CNTN4: variants seen among roughly 807,000 people sequenced by gnomAD.
CNTN4 encodes contactin 4.
A neutral mutation model predicts 122.5 loss-of-function variants in CNTN4; 77 were observed. That is an observed-to-expected ratio of 0.63 (90% CI 0.52 to 0.76). The LOEUF (loss-of-function observed/expected upper bound fraction) is 0.76, where lower values mean the gene tolerates loss of function less well. Among genes scored for constraint, CNTN4 ranks in the 30% least tolerant of loss-of-function variants. CNTN4 has a pLI of 0.00. For synonymous variants in CNTN4, 512 were observed against 447.0 expected, an observed-to-expected ratio of 1.15 and a Z score of -1.83; for missense variants, 1,256 against 1,259.1, an observed-to-expected ratio of 1.00 and a Z score of 0.04.
At position 2,817,154 on chromosome 3, in the gene CNTN4, A is replaced by G. The variant is rs1009334811; in HGVS notation, c.359-2332A>G. The stretch of plus-strand genomic sequence containing the variant: ...CAGCTTGCTCTAGTGTGCGTTTGCT[A>G]TTAGAAACCTTTCCTTAGTTGCAAT... On this transcript the variant is annotated intron_variant, in intron 6 of 24. Coordinates refer to ENST00000418658, the MANE Select transcript of CNTN4 (RefSeq NM_175607.3). Among the ~76,000 whole-genome samples the G allele has an allele frequency of 1.3e-4, 20 of 152,336 alleles. 2 individuals carry two copies. Among genetic ancestry groups the G allele is most frequent in the Admixed American group, 4.6e-4 (7 of 15,302 alleles).
intron 3 of CNTN4, among the ~76,000 whole-genome samples, chr3:2,506,052 C>G (rs1374155751): frequency 1.3e-5 from 2 of 151,616 alleles, no homozygotes; most frequent in Non-Finnish European, 2.9e-5. Context: ...GTAATCTTAA[C>G]AAATATAGAA....
intron 3 of CNTN4, among the ~76,000 whole-genome samples, chr3:2,394,632 A>G (rs895541691): frequency 1.3e-5 from 2 of 152,130 alleles, no homozygotes; most frequent in African/African-American, 4.8e-5. Flanking sequence ...CAGGGTATAA[A>G]TTGGTGCAAT....
At chr3:3,050,871 A>G (rs2125883612) in intron 23 of CNTN4, among the ~76,000 whole-genome samples, 1 of 151,800 alleles carries the variant, frequency 6.6e-6, no homozygotes, top group East Asian at 1.9e-4. Flanking sequence ...TCACATCTCC[A>G]CATCTCAAGT....
At chr3:2,131,026 A>G (rs561719455) in intron 2 of CNTN4, among the ~76,000 whole-genome samples, 1 of 152,308 alleles carries the variant, frequency 6.6e-6, no homozygotes, top group East Asian at 1.9e-4. Flanking sequence ...ATAAGGGATT[A>G]TGGACCTGTA....
chr3:2,411,175 CA>C (rs1346978620), intron 3 of CNTN4, among the ~76,000 whole-genome samples: 2 of 152,084 alleles, frequency 1.3e-5, no homozygotes, highest in African/African-American at 4.8e-5. Context: ...CTATCGGGGT[CA>C]GGGGCAGGAT....
chr3:2,586,919 G>GT (rs2080229406), intron 4 of CNTN4, among the ~76,000 whole-genome samples: 1 of 152,036 alleles, frequency 6.6e-6, no homozygotes, highest in African/African-American at 2.4e-5. Context: ...ACCTACTCTG[G>GT]TATGTTCTTT....
chr3:2,944,593 A>C (rs115916755), intron 13 of CNTN4, among the ~76,000 whole-genome samples: 3,055 of 152,126 alleles, frequency 0.02, 110 homozygotes, highest in African/African-American at 0.068. Flanking sequence ...ACAGCAAAGC[A>C]AAATGTAAGA....
intron 3 of CNTN4, among the ~76,000 whole-genome samples, chr3:2,456,705 C>CT (rs1296605370): frequency 1.3e-5 from 2 of 152,066 alleles, no homozygotes; most frequent in African/African-American, 2.4e-5. Flanking sequence ...GTATTTCCTT[C>CT]TTTTTTATGT....
At chr3:2,591,794 G>C (rs2080506303) in intron 4 of CNTN4, among the ~76,000 whole-genome samples, 1 of 152,228 alleles carries the variant, frequency 6.6e-6, no homozygotes, top group Non-Finnish European at 1.5e-5. Context: ...GTAAAGAAAA[G>C]TAAGTGTTGA....
At chr3:2,930,343 T>C (rs2094508830) in intron 13 of CNTN4, among the ~76,000 whole-genome samples, 1 of 152,076 alleles carries the variant, frequency 6.6e-6, no homozygotes, top group Admixed American at 6.5e-5. Context: ...TTCAGCGAGT[T>C]TGGATTAGTA....
chr3:2,172,007 G>A (rs2036537693), intron 2 of CNTN4, among the ~76,000 whole-genome samples: 1 of 152,156 alleles, frequency 6.6e-6, no homozygotes, highest in Admixed American at 6.5e-5. Flanking sequence ...CAATCAGCAA[G>A]CACTCCAGGT....
intron 3 of CNTN4, among the ~76,000 whole-genome samples, chr3:2,358,571 C>G (rs1575453442): frequency 6.6e-6 from 1 of 151,862 alleles, no homozygotes; most frequent in African/African-American, 2.4e-5. Flanking sequence ...GGAGGACATG[C>G]TTTCCAGAAC....
At position 3,039,258 on chromosome 3, in the gene CNTN4, A is replaced by G. The variant is rs544479826; in HGVS notation, c.2163+255A>G. 26 of 412,836 alleles carry G rather than the reference A, an allele frequency of 6.3e-5. No individual in the cohort carries two copies. In the South Asian group the frequency reaches 1.0e-3, roughly 16 times the overall value. 25.6% of individuals were successfully genotyped at this position (412,836 alleles called of 1,614,324 possible). ...AAGGGAAGACAACACACGTTACAAA[A>G]AAAAATAAAGAAGGCTGTTTCAGAG... On this transcript the variant is annotated intron_variant, in intron 19 of 24. Coordinates refer to ENST00000418658, the MANE Select transcript of CNTN4 (RefSeq NM_175607.3).
chr3:2,529,054 C>T (rs1015709642), intron 3 of CNTN4, among the ~76,000 whole-genome samples: 1 of 151,992 alleles, frequency 6.6e-6, no homozygotes, highest in African/African-American at 2.4e-5. Flanking sequence ...ACTGATTTAT[C>T]CTATCTGCCT....
chr3:2,262,849 A>G (rs1254406341), intron 2 of CNTN4, among the ~76,000 whole-genome samples: 1 of 152,166 alleles, frequency 6.6e-6, no homozygotes, highest in Non-Finnish European at 1.5e-5. Flanking sequence ...TTCCAAAGCT[A>G]CTGTAGTGTT....
intron 14 of CNTN4, among the ~76,000 whole-genome samples, chr3:3,004,552 T>C (rs1293469590): frequency 6.6e-6 from 1 of 152,222 alleles, no homozygotes; most frequent in African/African-American, 2.4e-5. Flanking sequence ...AATATAGGCT[T>C]TGAAGATAGA....
intron 13 of CNTN4, among the ~76,000 whole-genome samples, chr3:2,977,542 C>G (rs1178538193): frequency 1.3e-5 from 2 of 152,000 alleles, no homozygotes; most frequent in Admixed American, 6.5e-5. Flanking sequence ...AATTGCAAGT[C>G]TCTGTTAGCT....
rs1002212844 is a variant in CNTN4, at chr3:2,589,335, T to C, written c.55+17777T>C. On this transcript the variant is annotated intron_variant, in intron 4 of 24. Coordinates refer to ENST00000418658, the MANE Select transcript of CNTN4 (RefSeq NM_175607.3). ...GAATTCCTTTAGTTTCAGTGCCTTA[T>C]TTTTACCTTTCTTTGAAGTGCCTTT... 8.5e-5 allele frequency among the ~76,000 whole-genome samples: 13 copies of C among 152,218 alleles called. 1 individual carries two copies. Among genetic ancestry groups the C allele is most frequent in the African/African-American group, 3.1e-4 (13 of 41,460 alleles).
intron 4 of CNTN4, among the ~76,000 whole-genome samples, chr3:2,602,567 A>C (rs1040233534): frequency 6.6e-6 from 1 of 152,144 alleles, no homozygotes; most frequent in Admixed American, 6.6e-5. Flanking sequence ...GAACTACAAA[A>C]CACTGCTCAA....
Sources: allele counts gnomAD v4.1 joint callset (sites outside exome capture counted in the v4.1 genomes callset), GRCh38; gene constraint gnomAD v4.1.1; transcripts MANE v1.5; gene names NCBI Gene and HGNC (gene_info 2026-07-23, HGNC 2026-07-21).